STYX: variants seen among roughly 807,000 people sequenced by gnomAD.
STYX encodes serine/threonine/tyrosine-interacting protein.
In STYX, 20 loss-of-function variants were observed where a neutral mutation model predicts 42.7. The ratio of observed to expected loss-of-function variants is 0.47; its 90% CI spans 0.33 to 0.68. The LOEUF is 0.68. Among genes scored for constraint, STYX ranks in the 30% least tolerant of loss-of-function variants. The pLI, the probability that STYX is intolerant of heterozygous loss-of-function variation, is 0.02. For missense variants in STYX, 226 were observed against 268.5 expected (o/e 0.84, Z 1.11); for synonymous variants, 78 against 81.9 (o/e 0.95, Z 0.26).
rs563376590 is a variant in STYX, at chr14:52,756,630, T to A, written c.303+19T>A. On this transcript the variant is annotated intron_variant, in intron 5 of 10. Coordinates refer to ENST00000354586, the MANE Select transcript of STYX (RefSeq NM_145251.4). ...CCCTATGGTAGGTACCAGTATTTTT[T>A]AAATATCATTTAAAATTTATTTATG... The A allele has an allele frequency of 4.5e-5, 55 of 1,214,924 alleles. No individual in the cohort carries two copies. The highest frequency in any genetic ancestry group is 5.8e-5 in the Non-Finnish European group (50 of 863,976). 75.3% of individuals were successfully genotyped at this position (1,214,924 alleles called of 1,614,324 possible).
chr14:52,742,778 G>A (rs1055274106), intron 1 of STYX, among the ~76,000 whole-genome samples: 1 of 151,454 alleles, frequency 6.6e-6, no homozygotes, highest in Non-Finnish European at 1.5e-5. Context: ...CCTTCTGATT[G>A]ATTGCTATGA....
intron 9 of STYX, among the ~76,000 whole-genome samples, chr14:52,762,579 C>CT (rs929187988): frequency 8.8e-5 from 13 of 148,452 alleles, no homozygotes; most frequent in East Asian, 7.9e-4. Context: ...GTTTGTCTTT[C>CT]TTTTTTTTTT....
intron 1 of STYX, among the ~76,000 whole-genome samples, chr14:52,734,091 A>G (rs1880846789): frequency 6.6e-6 from 1 of 152,204 alleles, no homozygotes; most frequent in African/African-American, 2.4e-5. Flanking sequence ...GCTAGAGTGA[A>G]GTTACAAAGT....
At chr14:52,765,617 T>G (rs1228701749) in intron 9 of STYX, among the ~76,000 whole-genome samples, 1 of 152,168 alleles carries the variant, frequency 6.6e-6, no homozygotes, top group Non-Finnish European at 1.5e-5. Context: ...ATCAGCAGTC[T>G]CCAACCTTTT....
At chr14:52,737,095 G>C (rs1308830936) in intron 1 of STYX, among the ~76,000 whole-genome samples, 2 of 151,966 alleles carry the variant, frequency 1.3e-5, no homozygotes, top group African/African-American at 4.8e-5. Flanking sequence ...TGTACAATTT[G>C]TGTTTTATTT....
chr14:52,741,658 A>G (rs1008711281), intron 1 of STYX, among the ~76,000 whole-genome samples: 1 of 151,994 alleles, frequency 6.6e-6, no homozygotes, highest in Non-Finnish European at 1.5e-5. Context: ...AAGCTGGTAA[A>G]CTTCTGAGCT....
chr14:52,742,689 A>C (rs752376471), intron 1 of STYX, among the ~76,000 whole-genome samples: 1 of 152,134 alleles, frequency 6.6e-6, no homozygotes, highest in Non-Finnish European at 1.5e-5. Context: ...CAAAAAGTGG[A>C]TTGGTCATTT....
At chr14:52,763,847 A>G (rs1476240095) in intron 9 of STYX, among the ~76,000 whole-genome samples, 1 of 152,136 alleles carries the variant, frequency 6.6e-6, no homozygotes, top group African/African-American at 2.4e-5. Flanking sequence ...GAAATCAGTG[A>G]ATTGAAATCT....
At chr14:52,762,470 T>A (rs1882132403) in intron 9 of STYX, among the ~76,000 whole-genome samples, 1 of 152,232 alleles carries the variant, frequency 6.6e-6, no homozygotes, top group African/African-American at 2.4e-5. Context: ...CAGCAATGGA[T>A]CCCACTTGGT....
intron 4 of STYX, among the ~76,000 whole-genome samples, chr14:52,752,016 T>G (rs1269495412): frequency 6.6e-6 from 1 of 152,014 alleles, no homozygotes; most frequent in Non-Finnish European, 1.5e-5. Context: ...AAAAATTACC[T>G]GAGCGTGGTG....
At chr14:52,741,582 C>T (rs1415880122) in intron 1 of STYX, among the ~76,000 whole-genome samples, 3 of 151,880 alleles carry the variant, frequency 2.0e-5, no homozygotes, top group South Asian at 4.1e-4. Flanking sequence ...GGACTACAGG[C>T]GTGCCACCTC....
chr14:52,768,984 GTGGAGAA>G, intron 10 of STYX, 51 bp downstream of exon 10: 1 of 1,376,872 alleles, frequency 7.3e-7, no homozygotes, highest in Non-Finnish European at 1.0e-6. Context: ...ATAATGAAAG[GTGGAGAA>G]CTTGCTACAA....
chr14:52,736,621 T>C (rs965939520), intron 1 of STYX, among the ~76,000 whole-genome samples: 9 of 152,310 alleles, frequency 5.9e-5, no homozygotes, highest in Admixed American at 4.6e-4. Context: ...AGGAATTATT[T>C]AACATACATG....
chr14:52,740,202 G>A (rs1881130179), intron 1 of STYX, among the ~76,000 whole-genome samples: 1 of 152,124 alleles, frequency 6.6e-6, no homozygotes, highest in Non-Finnish European at 1.5e-5. Flanking sequence ...CTTGAACCTG[G>A]GAAGCGGAGG....
chr14:52,744,922 T>A (rs1395329720), intron 2 of STYX, 38 bp downstream of exon 2: 1 of 1,602,684 alleles, frequency 6.2e-7, no homozygotes, highest in Admixed American at 1.7e-5. Flanking sequence ...CAACCCATGT[T>A]ATTATCATAA....
At chr14:52,755,364 C>G (rs1881822472) in intron 4 of STYX, among the ~76,000 whole-genome samples, 1 of 152,098 alleles carries the variant, frequency 6.6e-6, no homozygotes, top group Admixed American at 6.6e-5. Context: ...CTCAGGCAAT[C>G]CACCTGCCTC....
rs1880640837 is a variant in STYX, at chr14:52,730,356, C to A, written c.-119C>A. The A allele has an allele frequency of 3.1e-6, 3 of 979,966 alleles. No individual in the cohort carries two copies. In the South Asian group the frequency reaches 4.3e-5, roughly 14 times the overall value. The allele number at this position is 979,966 out of a possible 1,614,324, so 60.7% of individuals were successfully genotyped here. A position where few individuals can be genotyped will look rare whatever the true frequency, so the allele number is the denominator to read the frequency against. Reference sequence around the variant, plus strand: ...GCGTGTGTTAGTTGTAATCCCGCCGCCCTCCTGTCAGCCCTCCGCTCCGCC... The same window carrying A: ...GCGTGTGTTAGTTGTAATCCCGCCGACCTCCTGTCAGCCCTCCGCTCCGCC... On this transcript the variant is annotated 5_prime_UTR_variant, in exon 1 of 11. Coordinates refer to ENST00000354586, the MANE Select transcript of STYX (RefSeq NM_145251.4).
Position 52,750,767 on chromosome 14 carries a change from C to G in STYX, c.229C>G (p.Gln77Glu). 1.3e-6 allele frequency: 2 copies of G among 1,573,586 alleles called. No homozygotes were observed. Among genetic ancestry groups the G allele is most frequent in the Non-Finnish European group, 1.7e-6 (2 of 1,157,180 alleles). Residue 77 changes from glutamine to glutamate, a missense_variant, in exon 4 of 11, where the codon CAG becomes GAG. Coordinates refer to ENST00000354586, the MANE Select transcript of STYX (RefSeq NM_145251.4). The stretch of plus-strand genomic sequence containing the variant: ...AGCAAACTTTATTAAACCAAACTTT[C>G]AGCAGTTATTTAGGTAAGAATTATT... ...IEANFIKPNF[Q>E]QLFRYLVLDI... is the part of the protein sequence containing the mutation.
At chr14:52,732,663 CTTTTA>C (rs566448785) in intron 1 of STYX, among the ~76,000 whole-genome samples, 69 of 151,908 alleles carry the variant, frequency 4.5e-4, no homozygotes, top group African/African-American at 1.5e-3. Context: ...GAAGAGTATG[CTTTTA>C]TTTATTTATT....
Sources: gnomAD v4.1 joint callset for allele counts (sites outside exome capture counted in the v4.1 genomes callset) on GRCh38, gnomAD v4.1.1 for gene constraint, MANE v1.5 for transcripts, NCBI Gene and HGNC (gene_info 2026-07-23, HGNC 2026-07-21) for gene names.